The following RIMS1 variants were observed in gnomAD, a reference collection of about 807,000 sequenced individuals.
The protein encoded by RIMS1 is regulating synaptic membrane exocytosis protein 1.
RIMS1 carries 83 observed loss-of-function variants against 214.1 expected under a neutral mutation model. The ratio of observed to expected loss-of-function variants is 0.39; its 90% CI spans 0.32 to 0.47. RIMS1 has a LOEUF of 0.47. Among genes scored for constraint, RIMS1 ranks in the 20% least tolerant of loss-of-function variants. The pLI is 0.99. For synonymous variants in RIMS1, 793 were observed against 786.8 expected, an observed-to-expected ratio of 1.01 and a Z score of -0.13; for missense variants, 2,050 against 2,161.8, an observed-to-expected ratio of 0.95 and a Z score of 1.03.
At position 71,959,286 on chromosome 6, in the gene RIMS1, A is replaced by G. The variant is rs374384542; in HGVS notation, c.165-9697A>G. ...TTGAAAGTAGTGCCTGAAATAGTTCATTAATGCTTTTCCAAGTTCCATTTT... is the reference window on the plus strand; with the variant it reads ...TTGAAAGTAGTGCCTGAAATAGTTCGTTAATGCTTTTCCAAGTTCCATTTT... On this transcript the variant is annotated intron_variant, in intron 1 of 33. Transcript: ENST00000521978. 1.2e-4 allele frequency among the ~76,000 whole-genome samples: 19 copies of G among 152,252 alleles called. No individual in the cohort carries two copies. In the East Asian group the frequency reaches 3.1e-3, roughly 25 times the overall value.
At chr6:72,050,199 C>A (rs1022031678) in intron 2 of RIMS1, among the ~76,000 whole-genome samples, 8 of 152,142 alleles carry the variant, frequency 5.3e-5, no homozygotes, top group Non-Finnish European at 8.8e-5. Context: ...TTGACTGTGG[C>A]AGAGATTGTA....
intron 2 of RIMS1, among the ~76,000 whole-genome samples, chr6:72,076,768 T>C (rs1831999219): frequency 6.6e-6 from 1 of 152,142 alleles, no homozygotes; most frequent in South Asian, 2.1e-4. Context: ...AAAAAAATCC[T>C]CAGCTTGACT....
At chr6:72,389,677 A>G (rs958577828) in intron 29 of RIMS1, among the ~76,000 whole-genome samples, 16 of 152,350 alleles carry the variant, frequency 1.1e-4, no homozygotes, top group Admixed American at 1.0e-3. Flanking sequence ...ATTATATGAT[A>G]CTATACAGAA....
intron 1 of RIMS1, among the ~76,000 whole-genome samples, chr6:71,911,460 T>C (rs1776900703): frequency 6.6e-6 from 1 of 152,170 alleles, no homozygotes; most frequent in Non-Finnish European, 1.5e-5. Flanking sequence ...TCTTATAAGT[T>C]AGATGCTTGT....
chr6:71,898,297 G>C (rs1383743790), intron 1 of RIMS1, among the ~76,000 whole-genome samples: 1 of 152,130 alleles, frequency 6.6e-6, no homozygotes, highest in Non-Finnish European at 1.5e-5. Flanking sequence ...AATTAGATCA[G>C]TAGTGTATTG....
At chr6:72,081,766 A>T (rs1189247771) in intron 2 of RIMS1, among the ~76,000 whole-genome samples, 1 of 152,150 alleles carries the variant, frequency 6.6e-6, no homozygotes, top group Admixed American at 6.6e-5. Context: ...ATTCTACATT[A>T]GCAGTAATAT....
chr6:72,039,174 T>C (rs1820747070), intron 2 of RIMS1, among the ~76,000 whole-genome samples: 1 of 152,076 alleles, frequency 6.6e-6, no homozygotes, highest in Non-Finnish European at 1.5e-5. Flanking sequence ...GTACCAGTAT[T>C]TTTCATAAGT....
intron 6 of RIMS1, among the ~76,000 whole-genome samples, chr6:72,211,027 C>T (rs151226863): frequency 8.5e-5 from 13 of 152,214 alleles, no homozygotes; most frequent in African/African-American, 2.9e-4. Context: ...TGGGTTTAGT[C>T]AATGAAAACC....
intron 29 of RIMS1, among the ~76,000 whole-genome samples, chr6:72,356,341 C>G (rs1031047169): frequency 2.0e-5 from 3 of 151,934 alleles, no homozygotes; most frequent in African/African-American, 4.8e-5. Flanking sequence ...GTTTCTTAAA[C>G]TCTTCCACTG....
intron 1 of RIMS1, among the ~76,000 whole-genome samples, chr6:71,949,042 T>C (rs1788675952): frequency 6.6e-6 from 1 of 152,224 alleles, no homozygotes; most frequent in Non-Finnish European, 1.5e-5. Context: ...AAGGCTGCCT[T>C]GTCCCTGGTG....
chr6:72,271,286 AATATATATATATATAT>A lies in RIMS1; in HGVS notation c.3399-3048_3399-3033del, dbSNP rs1222564699. On this transcript the variant is annotated intron_variant, in intron 22 of 33. Coordinates refer to ENST00000521978, the MANE Select transcript of RIMS1 (RefSeq NM_014989.7). ...ATCTCAAGGAAAAAAAAAAAAAAAA[AATATATATATATATAT>A]ATATATATATATATGTTAATTAAAA... is the stretch of plus-strand genomic sequence containing the variant. 1.6e-4 allele frequency among the ~76,000 whole-genome samples: 7 copies of A among 44,418 alleles called. No homozygotes were observed. In the South Asian group the frequency reaches 2.7e-3, roughly 17 times the overall value. 29.1% of individuals were successfully genotyped at this position (44,418 alleles called of 152,430 possible). A position where few individuals can be genotyped will look rare whatever the true frequency, so the allele number is the denominator to read the frequency against.
chr6:72,396,175 C>A (rs1419301031), intron 31 of RIMS1, among the ~76,000 whole-genome samples: 1 of 151,344 alleles, frequency 6.6e-6, no homozygotes, highest in Non-Finnish European at 1.5e-5. Flanking sequence ...TCTTAAGTAT[C>A]CAAAAAAATG....
chr6:72,005,712 C>G (rs570398063), intron 2 of RIMS1, among the ~76,000 whole-genome samples: 61 of 152,150 alleles, frequency 4.0e-4, no homozygotes, highest in Non-Finnish European at 8.4e-4. Flanking sequence ...TTTGCTTATT[C>G]AACTAAAAAA....
chr6:71,890,594 A>AC (rs1769446738), intron 1 of RIMS1, among the ~76,000 whole-genome samples: 10 of 125,142 alleles, frequency 8.0e-5, no homozygotes, highest in African/African-American at 2.0e-4. Context: ...AAAAAAAAAA[A>AC]AAACTTCATA....
chr6:72,262,439 G>A lies in RIMS1; in HGVS notation c.3116+1672G>A, dbSNP rs1333345634. The A allele has an allele frequency of 6.1e-6, 6 of 985,058 alleles. No individual in the cohort carries two copies. In the Admixed American group the frequency reaches 1.8e-4, roughly 30 times the overall value. The allele number at this position is 985,058 out of a possible 1,614,324, so 61.0% of individuals were successfully genotyped here. On this transcript the variant is annotated intron_variant, in intron 19 of 33. Transcript: ENST00000521978. ...ATAACATCCTGTGGACAGGTACTAC[G>A]ACAATAAGATAGGGAGTGGAAGGAA...
At chr6:72,329,167 A>C (rs2096578822) in intron 28 of RIMS1, among the ~76,000 whole-genome samples, 1 of 151,922 alleles carries the variant, frequency 6.6e-6, no homozygotes, top group Admixed American at 6.6e-5. Flanking sequence ...AGAGCCCATG[A>C]AATGCCCTGC....
Position 72,398,562 on chromosome 6 carries a change from TA to T in RIMS1, c.4720+213del, listed in dbSNP as rs150589354. Among the ~76,000 whole-genome samples the T allele has an allele frequency of 1.3e-3, 194 of 152,320 alleles. 2 individuals are homozygous for T. The highest frequency in any genetic ancestry group is 2.5e-3 in the Non-Finnish European group (171 of 68,002). On this transcript the variant is annotated intron_variant, in intron 32 of 33. Coordinates refer to ENST00000521978, the MANE Select transcript of RIMS1 (RefSeq NM_014989.7). ...GAAGGTGTTAGGAAGTATGTTATAA[TA>T]TTTTTTTTAAAGTTTAGTTATGGTC...
chr6:72,331,822 T>C (rs190339763), intron 28 of RIMS1, among the ~76,000 whole-genome samples: 10 of 151,992 alleles, frequency 6.6e-5, no homozygotes, highest in African/African-American at 2.2e-4. Context: ...TGGAATAAGT[T>C]GAAAGAATAA....
rs77592462 is a variant in RIMS1 at position 72,314,715 on chromosome 6, A to G, written c.4130+1043A>G. Among the ~76,000 whole-genome samples, 634 of 152,294 alleles carry G rather than the reference A, an allele frequency of 4.2e-3. 7 individuals are homozygous for G. Among genetic ancestry groups the G allele is most frequent in the African/African-American group, 0.015 (606 of 41,570 alleles). Reference sequence around the variant, plus strand: ...TCAAGAATGTAGCCATATTAAGCTAAGATCAAGGGGTAAGAAGTATTCTTA... The same window carrying G: ...TCAAGAATGTAGCCATATTAAGCTAGGATCAAGGGGTAAGAAGTATTCTTA... On this transcript the variant is annotated intron_variant, in intron 28 of 33. Coordinates refer to ENST00000521978, the MANE Select transcript of RIMS1 (RefSeq NM_014989.7).
Sources: allele counts gnomAD v4.1 joint callset (sites outside exome capture counted in the v4.1 genomes callset), GRCh38; gene constraint gnomAD v4.1.1; transcripts MANE v1.5; gene names NCBI Gene and HGNC (gene_info 2026-07-23, HGNC 2026-07-21).